GALK2: variants seen among roughly 807,000 people sequenced by gnomAD.
GALK2 encodes the protein galactokinase 2, also known as N-acetylgalactosamine kinase.
GALK2 carries 36 observed loss-of-function variants against 52.4 expected under a neutral mutation model. That is an observed-to-expected ratio of 0.69 (90% CI 0.53 to 0.91). The LOEUF (loss-of-function observed/expected upper bound fraction) is 0.91, where lower values mean the gene tolerates loss of function less well. Ranked by LOEUF, GALK2 falls within the 40% of genes least tolerant of loss-of-function variation. The pLI is 0.00. For synonymous variants in GALK2, 176 were observed against 199.1 expected (o/e 0.88, Z 0.98); for missense variants, 579 against 559.1 (o/e 1.04, Z -0.36).
rs149718974 is a variant in GALK2, at chr15:49,171,244, G to T, written c.53+869G>T. On this transcript the variant is annotated intron_variant, in intron 1 of 9. Coordinates refer to ENST00000560031, the MANE Select transcript of GALK2 (RefSeq NM_002044.4). The stretch of plus-strand genomic sequence containing the variant: ...ATTACAGGCAGGCGTCACCACACCC[G>T]GCTAATTTTGTATTTTCATCAGAGA... 2.3e-3 allele frequency among the ~76,000 whole-genome samples: 356 copies of T among 151,722 alleles called. 1 individual carries two copies. The highest frequency in any genetic ancestry group is 3.9e-3 in the Admixed American group (60 of 15,248).
At chr15:49,221,994 A>G (rs2089829578) in intron 3 of GALK2, among the ~76,000 whole-genome samples, 1 of 152,170 alleles carries the variant, frequency 6.6e-6, no homozygotes, top group Non-Finnish European at 1.5e-5. Flanking sequence ...TGCTTTGGGC[A>G]GTATGTTCAT....
intron 1 of GALK2, among the ~76,000 whole-genome samples, chr15:49,183,245 C>T (rs2086104061): frequency 6.6e-6 from 1 of 151,976 alleles, no homozygotes; most frequent in African/African-American, 2.4e-5. Context: ...TGTTTAGATG[C>T]ATCATTAGGT....
intron 8 of GALK2, among the ~76,000 whole-genome samples, chr15:49,301,960 A>G (rs957388739): frequency 4.6e-5 from 7 of 152,226 alleles, no homozygotes; most frequent in African/African-American, 1.7e-4. Context: ...TATACACTTT[A>G]TAGTTCCCAC....
intron 1 of GALK2, chr15:49,177,855 G>A (rs2085587396): frequency 4.3e-6 from 1 of 233,556 alleles, no homozygotes; most frequent in African/African-American, 2.3e-5. Flanking sequence ...CTTCACCGAA[G>A]TGAGAACTCA....
intron 8 of GALK2, among the ~76,000 whole-genome samples, chr15:49,311,900 T>C (rs2036019383): frequency 6.6e-6 from 1 of 152,216 alleles, no homozygotes; most frequent in African/African-American, 2.4e-5. Context: ...TCCCATTGCC[T>C]GTGGGCCAAT....
At chr15:49,283,284 GCAT>G (rs1314500736) in intron 6 of GALK2, among the ~76,000 whole-genome samples, 1 of 152,088 alleles carries the variant, frequency 6.6e-6, no homozygotes, top group Non-Finnish European at 1.5e-5. Context: ...TATCCATATA[GCAT>G]CTGTGCTTTG....
At chr15:49,300,834 C>A (rs1173043105) in intron 8 of GALK2, among the ~76,000 whole-genome samples, 2 of 152,128 alleles carry the variant, frequency 1.3e-5, no homozygotes, top group Admixed American at 6.6e-5. Flanking sequence ...GTCAATTAAA[C>A]CTCTTTCCTT....
chr15:49,248,358 A>G (rs185718075), intron 5 of GALK2, among the ~76,000 whole-genome samples: 1 of 152,358 alleles, frequency 6.6e-6, no homozygotes, highest in East Asian at 1.9e-4. Flanking sequence ...ACAAAACCTC[A>G]TCCATATAAT....
intron 3 of GALK2, chr15:49,344,394 G>T (rs902664708): frequency 6.6e-6 from 1 of 152,010 alleles, no homozygotes; most frequent in African/African-American, 2.4e-5. Context: ...GTTTGCAAAA[G>T]GTTACACTGA....
chr15:49,339,314 C>CTT (rs1478366059), intron 3 of GALK2, among the ~76,000 whole-genome samples: 1 of 152,146 alleles, frequency 6.6e-6, no homozygotes, highest in East Asian at 1.9e-4. Flanking sequence ...GATGGGGTCT[C>CTT]TGAGTGGACA....
chr15:49,239,945 T>A (rs1320283126), intron 5 of GALK2, among the ~76,000 whole-genome samples: 1 of 152,258 alleles, frequency 6.6e-6, no homozygotes, highest in African/African-American at 2.4e-5. Flanking sequence ...CTTTAATTAA[T>A]GCTTTAGCAT....
chr15:49,194,885 G>A (rs1294614906), intron 1 of GALK2, among the ~76,000 whole-genome samples: 4 of 151,934 alleles, frequency 2.6e-5, no homozygotes, highest in East Asian at 1.9e-4. Flanking sequence ...ATAAGCCACC[G>A]TGCCTGGCTA....
At chr15:49,322,786 T>C (rs908204100) in intron 9 of GALK2, among the ~76,000 whole-genome samples, 16 of 151,846 alleles carry the variant, frequency 1.1e-4, no homozygotes, top group African/African-American at 3.9e-4. Flanking sequence ...TGAAACCCCA[T>C]CTCTATTAAA....
chr15:49,328,045 A>G lies in GALK2; in HGVS notation c.1263A>G (p.Leu421=), dbSNP rs1181494297. ...MVPADKLPSF[L]ANVHKAYYQR... is the part of the protein sequence containing the mutation. ...CTGCGGACAAGCTGCCCAGCTTTCTAGCAAATGTGCACAAAGCTTATTACC... is the reference window on the plus strand; with the variant it reads ...CTGCGGACAAGCTGCCCAGCTTTCTGGCAAATGTGCACAAAGCTTATTACC... Residue 421 remains leucine (L), a synonymous_variant, in exon 10 of 10, where the codon CTA becomes CTG. Transcript: ENST00000560031. The G allele has an allele frequency of 1.2e-6, 2 of 1,613,928 alleles. No homozygotes were observed. The highest frequency in any genetic ancestry group is 1.3e-5 in the African/African-American group (1 of 74,904).
At chr15:49,360,636 A>T (rs922717675) in intron 3 of GALK2, among the ~76,000 whole-genome samples, 1 of 152,178 alleles carries the variant, frequency 6.6e-6, no homozygotes, top group African/African-American at 2.4e-5. Context: ...TGCAGTTTAA[A>T]GATATACCAT....
Position 49,217,288 on chromosome 15 carries a change from C to T in GALK2, c.241C>T (p.Leu81=). ...VEPVKTYALQ[L]ANTNPLYPDF... is the part of the protein sequence containing the mutation. ...ACCTGTGAAAACGTACGCTCTCCAA[C>T]TGGCCAATACAAATCCCTTGTATCC... Residue 81 remains leucine, a synonymous_variant, in exon 3 of 10, where the codon CTG becomes TTG. Transcript: ENST00000560031. 1 of 1,613,914 alleles carries T rather than the reference C, an allele frequency of 6.2e-7. No homozygotes were observed. The highest frequency in any genetic ancestry group is 1.7e-5 in the Admixed American group (1 of 60,020).
At chr15:49,253,763 C>G (rs897830286) in intron 5 of GALK2, among the ~76,000 whole-genome samples, 1 of 143,876 alleles carries the variant, frequency 7.0e-6, no homozygotes, top group African/African-American at 2.5e-5. Context: ...TATGTTATAT[C>G]AAAGAGATAT....
At chr15:49,227,990 G>A (rs2413940) in intron 3 of GALK2, among the ~76,000 whole-genome samples, 2,609 of 152,188 alleles carry the variant, frequency 0.017, 96 homozygotes, top group African/African-American at 0.06. Context: ...ATTTTGTTGA[G>A]TATAGTATCC....
intron 8 of GALK2, among the ~76,000 whole-genome samples, chr15:49,305,020 GA>G (rs2035430718): frequency 6.6e-6 from 1 of 152,100 alleles, no homozygotes; most frequent in African/African-American, 2.4e-5. Context: ...CCTAGTTCAA[GA>G]AAACATCTTC....
Sources: gnomAD v4.1 joint callset for allele counts (sites outside exome capture counted in the v4.1 genomes callset) on GRCh38, gnomAD v4.1.1 for gene constraint, MANE v1.5 for transcripts, NCBI Gene and HGNC (gene_info 2026-07-23, HGNC 2026-07-21) for gene names.